Variants in LPAR3 observed in about 807,000 individuals in gnomAD.
The protein encoded by LPAR3 is LPA receptor 3.
LPAR3 carries 7 observed loss-of-function variants against 17.8 expected under a neutral mutation model. That is an observed-to-expected ratio of 0.39 (90% confidence interval 0.22 to 0.74). The LOEUF (loss-of-function observed/expected upper bound fraction) is 0.74, where lower values mean the gene tolerates loss of function less well. Among genes scored for constraint, LPAR3 ranks in the 30% least tolerant of loss-of-function variants. The pLI, the probability that LPAR3 is intolerant of heterozygous loss-of-function variation, is 0.40. For missense variants in LPAR3, 391 were observed against 453.4 expected, an observed-to-expected ratio of 0.86 and a Z score of 1.25; for synonymous variants, 179 against 179.9, an observed-to-expected ratio of 0.99 and a Z score of 0.04.
At chr1:84,816,133 G>A (rs1658927649) in intron 2 of LPAR3, among the ~76,000 whole-genome samples, 1 of 152,162 alleles carries the variant, frequency 6.6e-6, no homozygotes, top group South Asian at 2.1e-4. Flanking sequence ...TGCAATCAAT[G>A]TGACAGATTC....
chr1:84,835,079 C>T (rs1461521534), intron 2 of LPAR3, among the ~76,000 whole-genome samples: 1 of 152,204 alleles, frequency 6.6e-6, no homozygotes, highest in African/African-American at 2.4e-5. Context: ...GTCATTTCTT[C>T]TCTGGTGACA....
rs749733105 is a variant in LPAR3 at position 84,865,612 on chromosome 1, A to G, written c.509T>C (p.Leu170Pro). 1.4e-4 allele frequency: 230 copies of G among 1,614,096 alleles called. No individual in the cohort carries two copies. Among genetic ancestry groups the G allele is most frequent in the Non-Finnish European group, 1.9e-4 (226 of 1,180,050 alleles). The change falls in exon 2 of 3, where the codon CTC (leucine) becomes CCC (proline). Residue 170 changes from leucine to proline, a missense_variant. Physicochemically the swap from Leu to Pro is moderately conservative, Grantham distance 98. Coordinates refer to ENST00000370611, the MANE Select transcript of LPAR3 (RefSeq NM_012152.3). ...GGAAGAGCAGGCAGAGATGTTGCAG[A>G]GGCAATTCCAGCCCAGTGTGGGGAC... ...GAVPTLGWNC[L>P]CNISACSSLA...
At chr1:84,877,188 G>A (rs1225088807) in intron 1 of LPAR3, among the ~76,000 whole-genome samples, 1 of 152,180 alleles carries the variant, frequency 6.6e-6, no homozygotes, top group African/African-American at 2.4e-5. Context: ...TCTGGCAAGG[G>A]GTAAGGTAAT....
intron 1 of LPAR3, among the ~76,000 whole-genome samples, chr1:84,874,494 G>A (rs1660218293): frequency 1.3e-5 from 2 of 152,278 alleles, no homozygotes; most frequent in South Asian, 4.1e-4. Flanking sequence ...TTCCCCAGAT[G>A]TTCCTGATGG....
intron 2 of LPAR3, among the ~76,000 whole-genome samples, chr1:84,816,613 C>T (rs535321961): frequency 1.3e-5 from 2 of 152,050 alleles, no homozygotes; most frequent in Non-Finnish European, 2.9e-5. Context: ...GCCTGGCCAA[C>T]ATGGTGAAAC....
rs988375866 is a variant in LPAR3 at position 84,891,891 on chromosome 1, G to A, written c.-19+1125C>T. On this transcript the variant is annotated intron_variant, in intron 1 of 2. Transcript: ENST00000370611. ...GTAATGACAATAACAAATTACGGGG[G>A]AAACATTTCGTGGAAATTACTCAGT... Among the ~76,000 whole-genome samples, 8 of 152,220 alleles carry A rather than the reference G, an allele frequency of 5.3e-5. No homozygotes were observed. In the South Asian group the frequency reaches 1.0e-3, roughly 20 times the overall value.
chr1:84,891,268 G>GA, intron 1 of LPAR3, among the ~76,000 whole-genome samples: 1 of 152,024 alleles, frequency 6.6e-6, no homozygotes, highest in South Asian at 2.1e-4. Flanking sequence ...TAAAGACAAA[G>GA]AAAAAATTTT....
chr1:84,820,851 T>C (rs186730346), intron 2 of LPAR3, among the ~76,000 whole-genome samples: 43 of 152,208 alleles, frequency 2.8e-4, no homozygotes, highest in African/African-American at 9.4e-4. Flanking sequence ...CCACTGAGAA[T>C]TGCTAGATCA....
intron 1 of LPAR3, among the ~76,000 whole-genome samples, chr1:84,890,824 C>T (rs12143551): frequency 1.3e-5 from 2 of 152,326 alleles, no homozygotes; most frequent in East Asian, 3.9e-4. Flanking sequence ...TAAGTTATCA[C>T]GCACTGCTGC....
chr1:84,829,065 T>A (rs928818303), intron 2 of LPAR3, among the ~76,000 whole-genome samples: 7 of 150,406 alleles, frequency 4.7e-5, no homozygotes, highest in Non-Finnish European at 1.0e-4. Flanking sequence ...GGAGAGGTTT[T>A]TCTTTGTGCC....
intron 2 of LPAR3, among the ~76,000 whole-genome samples, chr1:84,852,151 A>G (rs1659726993): frequency 6.6e-6 from 1 of 151,416 alleles, no homozygotes; most frequent in African/African-American, 2.4e-5. Context: ...CCTGGGCCCA[A>G]GCGATTTTCC....
At chr1:84,821,862 A>G (rs114675428) in intron 2 of LPAR3, among the ~76,000 whole-genome samples, 1,527 of 152,280 alleles carry the variant, frequency 0.01, 26 homozygotes, top group African/African-American at 0.034. Context: ...TGTGGCTATG[A>G]TAACTAAGCA....
intron 2 of LPAR3, among the ~76,000 whole-genome samples, chr1:84,831,607 T>C (rs1048762013): frequency 1.3e-5 from 2 of 151,946 alleles, no homozygotes; most frequent in African/African-American, 2.4e-5. Context: ...CTCATCTCAT[T>C]TGACTACTTA....
At chr1:84,830,835 T>G (rs539055162) in intron 2 of LPAR3, among the ~76,000 whole-genome samples, 2 of 152,142 alleles carry the variant, frequency 1.3e-5, no homozygotes, top group African/African-American at 4.8e-5. Flanking sequence ...CAATCAACCC[T>G]GATCACCTTT....
chr1:84,828,367 A>G (rs1659206867), intron 2 of LPAR3, among the ~76,000 whole-genome samples: 1 of 152,190 alleles, frequency 6.6e-6, no homozygotes, highest in African/African-American at 2.4e-5. Context: ...TTCTATTGAA[A>G]TATCTTCCAC....
chr1:84,818,650 A>C (rs1223689868), intron 2 of LPAR3, among the ~76,000 whole-genome samples: 2 of 152,246 alleles, frequency 1.3e-5, no homozygotes, highest in Admixed American at 6.5e-5. Flanking sequence ...TAAAGAACTT[A>C]AAGAAACTTC....
At chr1:84,873,586 C>T (rs192369030) in intron 1 of LPAR3, among the ~76,000 whole-genome samples, 94 of 152,148 alleles carry the variant, frequency 6.2e-4, no homozygotes, top group African/African-American at 2.0e-3. Context: ...TTGGATAAAG[C>T]GAATATGTTT....
chr1:84,828,172 T>C (rs1235685304), intron 2 of LPAR3, among the ~76,000 whole-genome samples: 2 of 152,180 alleles, frequency 1.3e-5, no homozygotes, highest in Non-Finnish European at 2.9e-5. Context: ...AAGTGAGCGA[T>C]GGACACACAC....
intron 1 of LPAR3, among the ~76,000 whole-genome samples, chr1:84,867,559 A>G (rs1660075923): frequency 6.6e-6 from 1 of 152,138 alleles, no homozygotes; most frequent in African/African-American, 2.4e-5. Flanking sequence ...TTTAATTTAT[A>G]TTTTAATGGT....
Sources: gnomAD v4.1 joint callset for allele counts (sites outside exome capture counted in the v4.1 genomes callset) on GRCh38, gnomAD v4.1.1 for gene constraint, MANE v1.5 for transcripts, NCBI Gene and HGNC (gene_info 2026-07-23, HGNC 2026-07-21) for gene names.